Variants in WDFY4 observed in about 807,000 individuals in gnomAD.
WDFY4 encodes WD repeat- and FYVE domain-containing protein 4.
WDFY4 carries 169 observed loss-of-function variants against 351.9 expected under a neutral mutation model. That is an observed-to-expected ratio of 0.48 (90% CI 0.42 to 0.55). The LOEUF is 0.55. Ranked by LOEUF, WDFY4 falls within the 20% of genes least tolerant of loss-of-function variation. The pLI, the probability that WDFY4 is intolerant of heterozygous loss-of-function variation, is 0.00. For missense variants in WDFY4, 3,803 were observed against 3,935.6 expected (o/e 0.97, Z 0.90); for synonymous variants, 1,622 against 1,574.6 (o/e 1.03, Z -0.71).
chr10:48,822,091 A>G (rs1011788961), intron 34 of WDFY4, among the ~76,000 whole-genome samples: 1 of 152,130 alleles, frequency 6.6e-6, no homozygotes, highest in Non-Finnish European at 1.5e-5. Flanking sequence ...CATTTGTCTC[A>G]AGCAGCACAT....
intron 43 of WDFY4, among the ~76,000 whole-genome samples, chr10:48,884,628 T>C (rs1356595863): frequency 3.9e-5 from 6 of 152,020 alleles, no homozygotes; most frequent in African/African-American, 7.2e-5. Context: ...CACACACACA[T>C]ACACACCCCT....
chr10:48,954,136 G>A (rs1351374459), intron 51 of WDFY4, among the ~76,000 whole-genome samples: 1 of 152,158 alleles, frequency 6.6e-6, no homozygotes, highest in Non-Finnish European at 1.5e-5. Flanking sequence ...ATTGAGAAGA[G>A]GTACCTAGGA....
rs1841638707 is a variant in WDFY4 at position 48,957,292 on chromosome 10, G to A, written c.8131+10G>A. 3.9e-6 allele frequency: 6 copies of A among 1,548,288 alleles called. No homozygotes were observed. The highest frequency in any genetic ancestry group is 2.5e-5 in the East Asian group (1 of 40,786). On this transcript the variant is annotated intron_variant, in intron 52 of 61. Transcript: ENST00000325239. ...AACGGGGTAGAGTTCGGTAAGTGGA[G>A]GCCTGGTGAGGCCGGGTGAGTGGCG...
At chr10:48,953,118 C>T (rs951040617) in intron 51 of WDFY4, among the ~76,000 whole-genome samples, 1 of 152,122 alleles carries the variant, frequency 6.6e-6, no homozygotes, top group Non-Finnish European at 1.5e-5. Context: ...CACCTCCTAC[C>T]TTCCATAACT....
chr10:48,981,255 T>C (rs1238483396), intron 60 of WDFY4, 112 bp from the exon 61 acceptor site: 2 of 877,466 alleles, frequency 2.3e-6, no homozygotes, highest in Admixed American at 5.2e-5. Flanking sequence ...AACAAGTTGC[T>C]GACCACAAAT....
intron 44 of WDFY4, among the ~76,000 whole-genome samples, chr10:48,896,067 C>G (rs1212016939): frequency 6.6e-6 from 1 of 152,254 alleles, no homozygotes; most frequent in Non-Finnish European, 1.5e-5. Flanking sequence ...ACTGAATGAG[C>G]TCTGGCTTTC....
At chr10:48,963,775 T>A in intron 53 of WDFY4, 67 bp from the exon 54 acceptor site, 1 of 1,467,934 alleles carries the variant, frequency 6.8e-7, no homozygotes, top group Non-Finnish European at 9.3e-7. Flanking sequence ...CCCCTTCCAA[T>A]CTGTGCAGCG....
chr10:48,717,440 G>A (rs1296394289), intron 2 of WDFY4, among the ~76,000 whole-genome samples: 1 of 152,124 alleles, frequency 6.6e-6, no homozygotes, highest in Admixed American at 6.5e-5. Flanking sequence ...AAACACATGA[G>A]TACTCACAAA....
At position 48,886,501 on chromosome 10, in the gene WDFY4, T is replaced by C. The variant is rs2070460450; in HGVS notation, c.7168-4078T>C. Among the ~76,000 whole-genome samples, 3 of 152,238 alleles carry C rather than the reference T, an allele frequency of 2.0e-5. 1 individual carries two copies. The South Asian group carries it at 6.2e-4, about 32-fold the overall frequency. On this transcript the variant is annotated intron_variant, in intron 43 of 61. Coordinates refer to ENST00000325239, the MANE Select transcript of WDFY4 (RefSeq NM_001394531.1). ...TATTGCAGGAATGGGTTCATTATTA[T>C]GGGAGTGGGATCCTGATAAAAAGGA...
At chr10:48,712,362 C>A (rs540493283) in intron 2 of WDFY4, among the ~76,000 whole-genome samples, 1 of 152,338 alleles carries the variant, frequency 6.6e-6, no homozygotes, top group South Asian at 2.1e-4. Context: ...ACTTACTGCA[C>A]ATGGACTGAA....
chr10:48,904,369 T>C (rs1837508948), intron 47 of WDFY4, among the ~76,000 whole-genome samples: 1 of 152,260 alleles, frequency 6.6e-6, no homozygotes, highest in Non-Finnish European at 1.5e-5. Flanking sequence ...TTATGTTTCA[T>C]ATAAGCCTTT....
chr10:48,879,504 C>T (rs569880978), intron 43 of WDFY4, among the ~76,000 whole-genome samples: 1 of 152,354 alleles, frequency 6.6e-6, no homozygotes, highest in Admixed American at 6.5e-5. Flanking sequence ...TATTCGCTTT[C>T]TATCTCTGCC....
intron 47 of WDFY4, 148 bp downstream of exon 47, chr10:48,902,011 C>T (rs1837382324): frequency 1.4e-6 from 1 of 736,032 alleles, no homozygotes; most frequent in Admixed American, 2.3e-5. Flanking sequence ...ATACATCCTT[C>T]ATCCTACTCC....
rs567271018 is a variant in WDFY4, at chr10:48,779,561, G to A, written c.3398-380G>A. On this transcript the variant is annotated intron_variant, in intron 18 of 61. Transcript: ENST00000325239. ...TCTCTGGGACTCGGCCTACAATGGA[G>A]TCTCTGTGGAGGTAGTCTACCTTGG... Among the ~76,000 whole-genome samples, 4 of 152,302 alleles carry A rather than the reference G, an allele frequency of 2.6e-5. No individual in the cohort carries two copies. In the South Asian group the frequency reaches 8.3e-4, roughly 32 times the overall value.
Position 48,974,527 on chromosome 10 carries a change from A to AAAAAAAAAAAAAAAAAAAACAAAACAAC in WDFY4, c.8929-333_8929-332insAAAAAAAAAAAAAAAAACAAAACAACAA. Among the ~76,000 whole-genome samples, 35 of 23,196 alleles carry AAAAAAAAAAAAAAAAAAAACAAAACAAC rather than the reference A, an allele frequency of 1.5e-3. 9 individuals are homozygous for AAAAAAAAAAAAAAAAAAAACAAAACAAC. The highest frequency in any genetic ancestry group is 1.7e-3 in the African/African-American group (24 of 13,808). 15.2% of individuals were successfully genotyped at this position (23,196 alleles called of 152,430 possible). ...CAAAAAAAAAAAAAAAAAAAAAAAA[A>AAAAAAAAAAAAAAAAAAAACAAAACAAC]AACAACTCATGACATGAACTGCTCC... is the stretch of plus-strand genomic sequence containing the variant. On this transcript the variant is annotated intron_variant, in intron 57 of 61. Coordinates refer to ENST00000325239, the MANE Select transcript of WDFY4 (RefSeq NM_001394531.1).
intron 43 of WDFY4, 28 bp from the exon 44 acceptor site, chr10:48,890,551 A>T: frequency 6.4e-7 from 1 of 1,551,284 alleles, no homozygotes; most frequent in Non-Finnish European, 8.7e-7. Context: ...CCTGTGCACC[A>T]CCTGACTCTG....
intron 47 of WDFY4, among the ~76,000 whole-genome samples, chr10:48,911,606 G>A (rs1838010734): frequency 6.6e-6 from 1 of 152,076 alleles, no homozygotes; most frequent in Non-Finnish European, 1.5e-5. Flanking sequence ...TTAATACCAG[G>A]TAACAGCATG....
chr10:48,956,994 G>T, intron 51 of WDFY4, 135 bp from the exon 52 acceptor site: 1 of 1,171,522 alleles, frequency 8.5e-7, no homozygotes, highest in Non-Finnish European at 1.2e-6. Context: ...TGGGCTGATG[G>T]GTACACGTGT....
chr10:48,830,960 A>AAAG, intron 38 of WDFY4, 75 bp downstream of exon 38: 1 of 1,440,520 alleles, frequency 6.9e-7, no homozygotes, highest in Non-Finnish European at 9.4e-7. Context: ...GGTTCAACTC[A>AAAG]GTGCCTAGAG....
Sources: allele counts gnomAD v4.1 joint callset (sites outside exome capture counted in the v4.1 genomes callset), GRCh38; gene constraint gnomAD v4.1.1; transcripts MANE v1.5; gene names NCBI Gene and HGNC (gene_info 2026-07-23, HGNC 2026-07-21).